The following TMEM129 variants were observed in gnomAD, a reference collection of about 807,000 sequenced individuals.
TMEM129 encodes the protein E3 ubiquitin-protein ligase TM129.
TMEM129 carries 35 observed loss-of-function variants against 34.1 expected under a neutral mutation model. The ratio of observed to expected loss-of-function variants is 1.03; its 90% CI spans 0.78 to 1.36. The LOEUF (loss-of-function observed/expected upper bound fraction) is 1.36. TMEM129 is among the 40% of genes most tolerant of loss of function. The probability of loss-of-function intolerance (pLI) is 0.00; values close to 1 mark genes in which losing one functional copy is unlikely to be tolerated. For missense variants in TMEM129, 504 were observed against 512.6 expected (o/e 0.98, Z 0.16); for synonymous variants, 239 against 217.3 (o/e 1.10, Z -0.88).
At position 1,717,880 on chromosome 4, in the gene TMEM129, G is replaced by A. The variant is rs1717054357; in HGVS notation, c.681-205C>T. 7 of 743,196 alleles carry A rather than the reference G, an allele frequency of 9.4e-6. No individual in the cohort carries two copies. In the South Asian group the frequency reaches 1.4e-4, roughly 14 times the overall value. 46.0% of individuals were successfully genotyped at this position (743,196 alleles called of 1,614,324 possible). A position where few individuals can be genotyped will look rare whatever the true frequency, so the allele number is the denominator to read the frequency against. ...GAGCAAGGCAGCTGTCCAGCCTGAGGGCTGCACTGTCCTGAGTGCTCCCCA... is the reference window on the plus strand; with the variant it reads ...GAGCAAGGCAGCTGTCCAGCCTGAGAGCTGCACTGTCCTGAGTGCTCCCCA... On this transcript the variant is annotated intron_variant, in intron 2 of 3. Transcript: ENST00000382936.
chr4:1,718,927 G>A, intron 1 of TMEM129: 1 of 1,271,782 alleles, frequency 7.9e-7, no homozygotes, highest in South Asian at 1.6e-5. Flanking sequence ...CTCAGGCAGA[G>A]CTGACCCCTG....
At position 1,718,453 on chromosome 4, in the gene TMEM129, T is replaced by C; in HGVS notation, c.379A>G (p.Thr127Ala). The change falls in exon 2 of 4, where the codon ACC becomes GCC. Residue 127 changes from threonine (T) to alanine (A), a missense_variant. Transcript: ENST00000382936. The part of the protein sequence containing the change: ...DRWACHPLAR[T>A]LALYALPQSG... ...TGTGGGAGGGCGTAGAGGGCCAGGG[T>C]GCGCGCCAGTGGGTGGCAGGCCCAC... The C allele has an allele frequency of 6.4e-7, 1 of 1,569,162 alleles. No homozygotes were observed. Among genetic ancestry groups the C allele is most frequent in the Non-Finnish European group, 8.7e-7 (1 of 1,156,014 alleles).
intron 1 of TMEM129, chr4:1,719,022 A>G (rs925081821): frequency 3.0e-5 from 39 of 1,289,880 alleles, no homozygotes; most frequent in Non-Finnish European, 3.8e-5. Flanking sequence ...GGTGCATCCC[A>G]GAGCTGAAAA....
chr4:1,719,111 G>C, intron 1 of TMEM129: 1 of 1,173,900 alleles, frequency 8.5e-7, no homozygotes, highest in Non-Finnish European at 1.1e-6. Context: ...TCAGGGCCCT[G>C]CTGGCCAGAT....
intron 2 of TMEM129, 179 bp from the exon 3 acceptor site, chr4:1,717,854 G>C: frequency 8.2e-6 from 7 of 849,864 alleles, no homozygotes; most frequent in Non-Finnish European, 1.2e-5. Flanking sequence ...GACGGACCTA[G>C]GAGCAAGGCA....
intron 2 of TMEM129, 118 bp downstream of exon 2, chr4:1,718,034 C>A: frequency 1.0e-6 from 1 of 968,820 alleles, no homozygotes; most frequent in South Asian, 1.7e-5. Flanking sequence ...GTCACACAAG[C>A]CCAGGAGTGT....
intron 1 of TMEM129, chr4:1,719,143 A>T (rs1033839680): frequency 2.2e-6 from 2 of 921,818 alleles, no homozygotes; most frequent in African/African-American, 3.4e-5. Context: ...TGAAGGTCCA[A>T]ATAAGCCATG....
At position 1,717,043 on chromosome 4, in the gene TMEM129, G is replaced by T; in HGVS notation, c.*137C>A. The T allele has an allele frequency of 8.9e-7, 1 of 1,128,646 alleles. No homozygotes were observed. The highest frequency in any genetic ancestry group is 1.1e-6 in the Non-Finnish European group (1 of 875,458). The allele number at this position is 1,128,646 out of a possible 1,614,324, so 69.9% of individuals were successfully genotyped here. A position where few individuals can be genotyped will look rare whatever the true frequency, so the allele number is the denominator to read the frequency against. On this transcript the variant is annotated 3_prime_UTR_variant, in exon 4 of 4. Coordinates refer to ENST00000382936, the MANE Select transcript of TMEM129 (RefSeq NM_001127266.2). ...AACCAAAAGTCCTCAGCCTTCTGCAGACCCAGGGCAGAGGCGAGTTGCTCT... is the reference window on the plus strand; with the variant it reads ...AACCAAAAGTCCTCAGCCTTCTGCATACCCAGGGCAGAGGCGAGTTGCTCT...
rs1222052993 is a variant in TMEM129, at chr4:1,720,995, G to GCA, written c.-160_-159dup. ...GTCCCGCCGCCCGGCCGCCCGCGGG[G>GCA]CACTCTAGGACATGGAGTCCCGCCG... On this transcript the variant is annotated 5_prime_UTR_variant, in exon 1 of 4. Coordinates refer to ENST00000382936, the MANE Select transcript of TMEM129 (RefSeq NM_001127266.2). The surrounding 1 kb of genome is among the most constrained non-coding windows in gnomAD (Gnocchi z 4.4). 2.8e-6 allele frequency: 1 copy of GCA among 355,684 alleles called. No individual in the cohort carries two copies. Among genetic ancestry groups the GCA allele is most frequent in the African/African-American group, 2.2e-5 (1 of 45,040 alleles). The allele number at this position is 355,684 out of a possible 1,614,324, so 22.0% of individuals were successfully genotyped here. A position where few individuals can be genotyped will look rare whatever the true frequency, so the allele number is the denominator to read the frequency against.
At position 1,718,297 on chromosome 4, in the gene TMEM129, C is replaced by T; in HGVS notation, c.535G>A (p.Val179Met). The T allele has an allele frequency of 1.9e-6, 3 of 1,613,266 alleles. No individual in the cohort carries two copies. The highest frequency in any genetic ancestry group is 2.5e-6 in the Non-Finnish European group (3 of 1,179,862). Residue 179 changes from valine (V) to methionine (M), a missense_variant, in exon 2 of 4, where the codon GTG (valine) becomes ATG (methionine). By Grantham distance (21) the Val-to-Met change is conservative. Transcript: ENST00000382936. ...TWVMKVTTYRVHVAQQQDVHL... is the reference protein window; with the variant it reads ...TWVMKVTTYRMHVAQQQDVHL... ...ACGTCCTGCTGCTGGGCCACGTGCA[C>T]TCGGTAGGTGGTTACCTTCATCACC...
chr4:1,719,530 A>G (rs938254341), intron 1 of TMEM129, among the ~76,000 whole-genome samples: 11 of 152,232 alleles, frequency 7.2e-5, no homozygotes, highest in Non-Finnish European at 1.6e-4. Flanking sequence ...AAAAGTAAAA[A>G]TAAAAATAAA....
At position 1,720,549 on chromosome 4, in the gene TMEM129, G is replaced by C. The variant is rs1717255294; in HGVS notation, c.205+84C>G. ...TGCGCCCAGGCGCTTTCGGGGCCTC[G>C]GGGAGCTGGCGGAGGCCTCCTCCTG... On this transcript the variant is annotated intron_variant, in intron 1 of 3. Transcript: ENST00000382936. This position sits in a 1 kb window ranked among gnomAD's most constrained non-coding sequence, Gnocchi z 4.4. 1 of 1,438,806 alleles carries C rather than the reference G, an allele frequency of 7.0e-7. No homozygotes were observed. The highest frequency in any genetic ancestry group is 9.2e-7 in the Non-Finnish European group (1 of 1,089,012). 89.1% of individuals were successfully genotyped at this position (1,438,806 alleles called of 1,614,324 possible). A position where few individuals can be genotyped will look rare whatever the true frequency, so the allele number is the denominator to read the frequency against.
In TMEM129 at chr4:1,716,353, C is replaced by T. The variant is rs913692411; in HGVS notation, c.*827G>A. The T allele has an allele frequency of 6.6e-6, 1 of 152,408 alleles. No individual in the cohort carries two copies. The highest frequency in any genetic ancestry group is 1.9e-4 in the East Asian group (1 of 5,204). 9.4% of individuals were successfully genotyped at this position (152,408 alleles called of 1,614,324 possible). A position where few individuals can be genotyped will look rare whatever the true frequency, so the allele number is the denominator to read the frequency against. On this transcript the variant is annotated 3_prime_UTR_variant, in exon 4 of 4. Coordinates refer to ENST00000382936, the MANE Select transcript of TMEM129 (RefSeq NM_001127266.2). ...GCAAGACGCCCACCAGAGGCTTGAC[C>T]ACAGGGGGCGTGCATCCCCTTCTGA...
chr4:1,717,791 C>CA, intron 2 of TMEM129, 116 bp from the exon 3 acceptor site: 1 of 1,373,484 alleles, frequency 7.3e-7, no homozygotes, highest in Non-Finnish European at 9.6e-7. Flanking sequence ...GGAGAGATGG[C>CA]CCTAAGGCCA....
intron 1 of TMEM129, chr4:1,718,969 C>CAA: frequency 8.0e-7 from 1 of 1,254,560 alleles, no homozygotes; most frequent in South Asian, 1.5e-5. Flanking sequence ...GACAGGATCT[C>CAA]AGTCTCTCAA....
In TMEM129 at chr4:1,720,822, C is replaced by T. The variant is rs1383229320; in HGVS notation, c.16G>A (p.Val6Met). 8 of 1,587,368 alleles carry T rather than the reference C, an allele frequency of 5.0e-6. No homozygotes were observed. The highest frequency in any genetic ancestry group is 6.8e-6 in the Non-Finnish European group (8 of 1,168,580). ...ACCAGATAGGCGAGAGTGAAGGTCA[C>T]CTCGGGGCTGTCCATCGCGCAGCCG... MDSPE[V>M]TFTLAYLVFA... Residue 6 changes from valine (V) to methionine (M), a missense_variant, in exon 1 of 4, where the codon GTG (valine) becomes ATG (methionine). Val to Met is a conservative substitution (Grantham distance 21). Transcript: ENST00000382936. The surrounding 1 kb of genome is among the most constrained non-coding windows in gnomAD (Gnocchi z 4.4).
Position 1,721,146 on chromosome 4 carries a change from G to A in TMEM129, c.-309C>T, listed in dbSNP as rs1477051724. ...GCGCTCTGGGAGATGCAGTCCCCGT[G>A]CGGGTGCGGCCTCTCTTCTCGGCCG... On this transcript the variant is annotated 5_prime_UTR_variant, in exon 1 of 4. Transcript: ENST00000382936. The A allele has an allele frequency of 4.5e-6, 1 of 224,328 alleles. No individual in the cohort carries two copies. The highest frequency in any genetic ancestry group is 2.3e-5 in the African/African-American group (1 of 43,704). 13.9% of individuals were successfully genotyped at this position (224,328 alleles called of 1,614,324 possible). A position where few individuals can be genotyped will look rare whatever the true frequency, so the allele number is the denominator to read the frequency against.
intron 1 of TMEM129, chr4:1,719,335 C>G (rs984347153): frequency 2.4e-6 from 1 of 424,030 alleles, no homozygotes; most frequent in Admixed American, 2.5e-5. Context: ...GGACGGATCA[C>G]GAGGTCAGAT....
chr4:1,719,026 C>T (rs1040176468), intron 1 of TMEM129: 9 of 1,291,446 alleles, frequency 7.0e-6, no homozygotes, highest in Middle Eastern at 2.7e-4. Flanking sequence ...CATCCCAGAG[C>T]TGAAAAGTTA....
Sources: allele counts gnomAD v4.1 joint callset (sites outside exome capture counted in the v4.1 genomes callset), GRCh38; gene constraint gnomAD v4.1.1; non-coding constraint Gnocchi (gnomAD v3.1); transcripts MANE v1.5; gene names NCBI Gene and HGNC (gene_info 2026-07-23, HGNC 2026-07-21).